The following POLR1C variants were observed in gnomAD, a reference collection of about 807,000 sequenced individuals.
The protein encoded by POLR1C is DNA-directed RNA polymerases I and III subunit RPAC1.
A neutral mutation model predicts 38.3 loss-of-function variants in POLR1C; 42 were observed. That is an observed-to-expected ratio of 1.10 (90% CI 0.86 to 1.42). The LOEUF (loss-of-function observed/expected upper bound fraction) is 1.42, where lower values mean the gene tolerates loss of function less well. Among genes scored for constraint, POLR1C ranks in the 40% most tolerant of loss-of-function variants. The pLI is 0.00. For missense variants in POLR1C, 507 were observed against 450.5 expected, an observed-to-expected ratio of 1.13 and a Z score of -1.14; for synonymous variants, 163 against 163.9, an observed-to-expected ratio of 0.99 and a Z score of 0.04.
rs545552133 is a variant in POLR1C at position 43,539,293 on chromosome 6, G to A, written c.*4+9934G>A. ...CCTTGGAGCACTTAACACCCAGACC[G>A]ACGTGGCCACTGTAGTCCCCGATAG... On this transcript the variant is annotated intron_variant, in intron 9 of 10. Transcript: ENST00000607635. The A allele has an allele frequency of 9.9e-4, 1,517 of 1,536,774 alleles. 10 individuals are homozygous for A. In the African/African-American group the frequency reaches 0.016, roughly 16 times the overall value.
chr6:43,555,648 T>C (rs1762040116), intron 10 of POLR1C: 1 of 588,490 alleles, frequency 1.7e-6, no homozygotes, highest in Non-Finnish European at 2.6e-6. Flanking sequence ...TTAAAACAAA[T>C]TTAAAATGTG....
At chr6:43,544,544 A>G (rs1351120669) in intron 9 of POLR1C, among the ~76,000 whole-genome samples, 1 of 152,204 alleles carries the variant, frequency 6.6e-6, no homozygotes, top group African/African-American at 2.4e-5. Context: ...CACAGGCCTA[A>G]AAAGGTCTAG....
At chr6:43,541,014 C>A (rs993038557) in intron 9 of POLR1C, among the ~76,000 whole-genome samples, 2 of 151,994 alleles carry the variant, frequency 1.3e-5, no homozygotes, top group Non-Finnish European at 2.9e-5. Context: ...AAAGACACAT[C>A]ACATGTTCTC....
At chr6:43,527,422 C>T (rs983484823) in intron 8 of POLR1C, 15 of 450,204 alleles carry the variant, frequency 3.3e-5, no homozygotes, top group East Asian at 1.3e-4. Flanking sequence ...CAGGCCTGCG[C>T]GCCACTACGC....
chr6:43,524,045 C>G, downstream of POLR1C: 1 of 1,599,208 alleles, frequency 6.3e-7, no homozygotes, highest in Non-Finnish European at 8.5e-7. Flanking sequence ...GCTGGGCCCT[C>G]AGTAGTAGTT....
exon 11 of POLR1C, chr6:43,561,456 G>A: frequency 6.4e-6 from 1 of 155,792 alleles, no homozygotes; most frequent in Non-Finnish European, 1.4e-5. Context: ...TCGGCTCACT[G>A]CAACCTCTAC....
downstream of POLR1C, among the ~76,000 whole-genome samples, chr6:43,530,431 A>T (rs898782607): frequency 6.6e-6 from 1 of 152,172 alleles, no homozygotes; most frequent in Non-Finnish European, 1.5e-5. Flanking sequence ...TCAAAAAAAA[A>T]AAAAAGTTTT....
chr6:43,523,770 G>A (rs1793353083), downstream of POLR1C: 2 of 1,593,496 alleles, frequency 1.3e-6, no homozygotes, highest in African/African-American at 2.7e-5. Context: ...GACAGTGGTG[G>A]AAAGTGAGGT....
intron 2 of POLR1C, among the ~76,000 whole-genome samples, chr6:43,518,210 T>G (rs1343725145): frequency 6.6e-6 from 1 of 152,114 alleles, no homozygotes; most frequent in Non-Finnish European, 1.5e-5. Context: ...TTGAGGAGGA[T>G]CATATGGAGC....
chr6:43,523,608 G>T (rs1793337858), downstream of POLR1C: 3 of 697,896 alleles, frequency 4.3e-6, no homozygotes, highest in South Asian at 4.2e-5. Flanking sequence ...TCTTGGAAAA[G>T]CCAAATCTCC....
intron 9 of POLR1C, among the ~76,000 whole-genome samples, chr6:43,535,904 C>G (rs548290672): frequency 4.0e-5 from 6 of 151,738 alleles, no homozygotes; most frequent in Non-Finnish European, 7.4e-5. Flanking sequence ...CGGAGAATCA[C>G]CTGAGGCCAG....
intron 10 of POLR1C, among the ~76,000 whole-genome samples, chr6:43,552,649 G>C (rs765079392): frequency 3.3e-5 from 5 of 152,118 alleles, no homozygotes; most frequent in Non-Finnish European, 5.9e-5. Flanking sequence ...TACTGCGCCC[G>C]GCTTATCAGC....
intron 9 of POLR1C, among the ~76,000 whole-genome samples, chr6:43,538,136 CATCTTTTTT>C: frequency 1.1e-5 from 1 of 92,138 alleles, no homozygotes; most frequent in African/African-American, 4.6e-5. Flanking sequence ...GCCTAAGAGA[CATCTTTTTT>C]TTTTTTTTTT....
intron 9 of POLR1C, chr6:43,539,553 G>A (rs1189156958): frequency 1.6e-5 from 23 of 1,396,976 alleles, no homozygotes; most frequent in African/African-American, 2.8e-5. Context: ...TTGCCTCCGC[G>A]AGCTCCGCGG....
chr6:43,534,051 G>T (rs1317051508), downstream of POLR1C: 5 of 1,477,232 alleles, frequency 3.4e-6, no homozygotes, highest in African/African-American at 5.6e-5. Flanking sequence ...ATCTGATGCA[G>T]AAGGAAAGAG....
At chr6:43,523,229 G>A (rs554876266), downstream of POLR1C, 41 of 175,962 alleles carry the variant, frequency 2.3e-4, no homozygotes, top group Non-Finnish European at 3.7e-4. Context: ...GGTCCTTGGA[G>A]GTACTATACT....
chr6:43,551,234 A>G, intron 10 of POLR1C: 1 of 1,461,116 alleles, frequency 6.8e-7, no homozygotes, highest in Non-Finnish European at 9.1e-7. Flanking sequence ...CCAAAAAAAT[A>G]AAATAAATAA....
rs1423553317 is a variant in POLR1C, at chr6:43,519,952, A to G, written c.382+114A>G. On this transcript the variant is annotated intron_variant, in intron 4 of 8. Transcript: ENST00000642195. ...ATCAGTGTCTTTCATCTGTGAGAACACTTGCCTTGTCTCCCAAGTTTGCCA... is the reference window on the plus strand; with the variant it reads ...ATCAGTGTCTTTCATCTGTGAGAACGCTTGCCTTGTCTCCCAAGTTTGCCA... The G allele has an allele frequency of 2.6e-6, 4 of 1,543,506 alleles. No homozygotes were observed. The East Asian group carries it at 9.5e-5, about 37-fold the overall frequency.
At chr6:43,536,758 T>TAAAAAA (rs1156884252) in intron 9 of POLR1C, among the ~76,000 whole-genome samples, 411 of 19,106 alleles carry the variant, frequency 0.022, 63 homozygotes, top group African/African-American at 0.094. Context: ...AGACTCTATC[T>TAAAAAA]AAAAAAAAAA....
Sources: gnomAD v4.1 joint callset for allele counts (sites outside exome capture counted in the v4.1 genomes callset) on GRCh38, gnomAD v4.1.1 for gene constraint, MANE v1.5 for transcripts, NCBI Gene and HGNC (gene_info 2026-07-23, HGNC 2026-07-21) for gene names.